ATP8B4: variants seen among roughly 807,000 people sequenced by gnomAD.
ATP8B4 encodes probable phospholipid-transporting ATPase IM.
ATP8B4 carries 133 observed loss-of-function variants against 145.6 expected under a neutral mutation model. The ratio of observed to expected loss-of-function variants is 0.91; its 90% CI spans 0.79 to 1.05. The LOEUF (loss-of-function observed/expected upper bound fraction) is 1.05. Among genes scored for constraint, ATP8B4 ranks in the 50% least tolerant of loss-of-function variants. The pLI, the probability that ATP8B4 is intolerant of heterozygous loss-of-function variation, is 0.00. For synonymous variants in ATP8B4, 507 were observed against 492.9 expected (o/e 1.03, Z -0.38); for missense variants, 1,458 against 1,425.2 (o/e 1.02, Z -0.37).
At chr15:50,005,109 T>C (rs2048203798) in intron 7 of ATP8B4, among the ~76,000 whole-genome samples, 1 of 152,204 alleles carries the variant, frequency 6.6e-6, no homozygotes, top group African/African-American at 2.4e-5. Flanking sequence ...ATATGCCCCA[T>C]ATTTACTTTC....
Position 49,874,078 on chromosome 15 carries a change from A to G in ATP8B4, c.3027+2200T>C, listed in dbSNP as rs568531478. The stretch of plus-strand genomic sequence containing the variant: ...CTCATTTATTCAATACTCAAGAAAT[A>G]TCCATTGTGTGTCACACTAACAGGT... On this transcript the variant is annotated intron_variant, in intron 25 of 27. Coordinates refer to ENST00000284509, the MANE Select transcript of ATP8B4 (RefSeq NM_024837.4). 2.2e-4 allele frequency among the ~76,000 whole-genome samples: 33 copies of G among 152,350 alleles called. No individual in the cohort carries two copies. The South Asian group carries it at 6.6e-3, about 31-fold the overall frequency.
chr15:50,161,200 T>A (rs538917811), intron 1 of ATP8B4, among the ~76,000 whole-genome samples: 26 of 152,260 alleles, frequency 1.7e-4, no homozygotes, highest in African/African-American at 6.0e-4. Flanking sequence ...CTCCTCTTTT[T>A]GGTTTCCATT....
chr15:50,156,118 AAATATATT>A (rs1567410618), intron 1 of ATP8B4, among the ~76,000 whole-genome samples: 801 of 12,756 alleles, frequency 0.063, 32 homozygotes, highest in Non-Finnish European at 0.094. Context: ...ATATATATAT[AAATATATT>A]TATATATATA....
intron 20 of ATP8B4, among the ~76,000 whole-genome samples, chr15:49,915,823 C>A (rs192893052): frequency 1.4e-5 from 2 of 147,228 alleles, no homozygotes; most frequent in African/African-American, 5.1e-5. Context: ...CTAACCAGCA[C>A]GATATAGCAG....
intron 3 of ATP8B4, among the ~76,000 whole-genome samples, chr15:50,070,423 A>G (rs1373665497): frequency 6.6e-6 from 1 of 152,214 alleles, no homozygotes; most frequent in Admixed American, 6.5e-5. Context: ...TGTATTAAAT[A>G]GGTACTTTGA....
At chr15:50,085,900 ATCATATAT>A (rs2054908152) in intron 2 of ATP8B4, among the ~76,000 whole-genome samples, 1 of 83,498 alleles carries the variant, frequency 1.2e-5, no homozygotes, top group African/African-American at 3.8e-5. Flanking sequence ...TATGATATAT[ATCATATAT>A]ATTTATATAT....
At chr15:50,083,810 C>G (rs2054716552) in intron 2 of ATP8B4, among the ~76,000 whole-genome samples, 1 of 152,142 alleles carries the variant, frequency 6.6e-6, no homozygotes, top group Admixed American at 6.5e-5. Flanking sequence ...AGTGATTTAT[C>G]CCAAAAATAT....
rs7171530 is a variant in ATP8B4 at position 49,952,994 on chromosome 15, G to A, written c.1287+8983C>T. Among the ~76,000 whole-genome samples, 173 of 152,146 alleles carry A rather than the reference G, an allele frequency of 1.1e-3. 1 individual carries two copies. The East Asian group carries it at 0.022, about 20-fold the overall frequency. On this transcript the variant is annotated intron_variant, in intron 14 of 27. Coordinates refer to ENST00000284509, the MANE Select transcript of ATP8B4 (RefSeq NM_024837.4). Reference sequence around the variant, plus strand: ...GCAGGGCTGCTGCAGTTTGCTGGGGGTTCACTTCAGGCCTTATTCATCTGA... The same window carrying A: ...GCAGGGCTGCTGCAGTTTGCTGGGGATTCACTTCAGGCCTTATTCATCTGA...
At chr15:50,079,240 T>A (rs951100295) in intron 2 of ATP8B4, among the ~76,000 whole-genome samples, 7 of 151,874 alleles carry the variant, frequency 4.6e-5, no homozygotes, top group Non-Finnish European at 1.0e-4. Flanking sequence ...AAATAAAAAA[T>A]TTTACAAAAA....
chr15:50,175,465 G>C (rs941697286), intron 1 of ATP8B4, among the ~76,000 whole-genome samples: 1 of 152,016 alleles, frequency 6.6e-6, no homozygotes, highest in African/African-American at 2.4e-5. Flanking sequence ...TAATCAGTAA[G>C]AAACGAAGAA....
At chr15:50,171,217 T>C (rs922304398) in intron 1 of ATP8B4, among the ~76,000 whole-genome samples, 2 of 152,128 alleles carry the variant, frequency 1.3e-5, no homozygotes, top group Non-Finnish European at 2.9e-5. Context: ...TTAACAGATA[T>C]ATACAGAACA....
chr15:49,984,688 C>T (rs79062567), intron 10 of ATP8B4, among the ~76,000 whole-genome samples: 9,168 of 151,980 alleles, frequency 0.06, 331 homozygotes, highest in Non-Finnish European at 0.087. Context: ...TAGGGATCCC[C>T]GAGACAAAGC....
intron 19 of ATP8B4, 62 bp from the exon 20 acceptor site, chr15:49,917,101 A>G (rs2039815740): frequency 1.3e-6 from 2 of 1,534,164 alleles, no homozygotes; most frequent in Non-Finnish European, 1.8e-6. Context: ...TCCATTTTTA[A>G]TGAAAGTTTT....
chr15:50,110,712 C>T (rs2056896289), intron 1 of ATP8B4, among the ~76,000 whole-genome samples: 1 of 152,124 alleles, frequency 6.6e-6, no homozygotes, highest in African/African-American at 2.4e-5. Flanking sequence ...CTTATGTTAC[C>T]CTTAGCTTCA....
chr15:50,028,292 T>C (rs936208230), intron 6 of ATP8B4, among the ~76,000 whole-genome samples: 22 of 152,354 alleles, frequency 1.4e-4, no homozygotes, highest in African/African-American at 5.1e-4. Flanking sequence ...CATCTGATTC[T>C]TGTCAAAGAT....
chr15:49,898,876 A>G (rs758607552), intron 21 of ATP8B4, among the ~76,000 whole-genome samples: 5 of 152,254 alleles, frequency 3.3e-5, no homozygotes, highest in African/African-American at 1.2e-4. Flanking sequence ...ATCCAAATGC[A>G]TAAGAGCCTT....
At chr15:50,094,758 G>C (rs867704773) in intron 2 of ATP8B4, among the ~76,000 whole-genome samples, 1 of 147,238 alleles carries the variant, frequency 6.8e-6, no homozygotes, top group Non-Finnish European at 1.5e-5. Context: ...CGTTTTACTA[G>C]AGAATCCTGA....
intron 2 of ATP8B4, among the ~76,000 whole-genome samples, chr15:50,086,779 T>A (rs1160353241): frequency 1.9e-5 from 1 of 51,806 alleles, no homozygotes; most frequent in Non-Finnish European, 2.8e-5. Flanking sequence ...TATTATTATA[T>A]ATAATAAAAT....
intron 6 of ATP8B4, among the ~76,000 whole-genome samples, chr15:50,026,310 G>C (rs1408334160): frequency 3.3e-5 from 5 of 152,272 alleles, no homozygotes; most frequent in African/African-American, 1.2e-4. Flanking sequence ...ATCTGGCCTA[G>C]TGGTACTCAA....
Sources: allele counts gnomAD v4.1 joint callset (sites outside exome capture counted in the v4.1 genomes callset), GRCh38; gene constraint gnomAD v4.1.1; transcripts MANE v1.5; gene names NCBI Gene and HGNC (gene_info 2026-07-23, HGNC 2026-07-21).